Variants in PTPRM observed in about 807,000 individuals in gnomAD.
PTPRM encodes the protein protein tyrosine phosphatase receptor type M.
In PTPRM, 47 loss-of-function variants were observed where a neutral mutation model predicts 186.7. The ratio of observed to expected loss-of-function variants is 0.25; its 90% CI spans 0.20 to 0.32. PTPRM has a LOEUF of 0.32. Ranked by LOEUF, PTPRM falls within the 10% of genes least tolerant of loss-of-function variation. PTPRM has a pLI of 1.00. For synonymous variants in PTPRM, 668 were observed against 674.9 expected (o/e 0.99, Z 0.16); for missense variants, 1,494 against 1,865.0 (o/e 0.80, Z 3.66).
At chr18:7,917,801 C>G (rs979422857) in intron 4 of PTPRM, among the ~76,000 whole-genome samples, 7 of 151,986 alleles carry the variant, frequency 4.6e-5, no homozygotes, top group African/African-American at 1.7e-4. Context: ...ATATTTGTAC[C>G]CATTAATCAA....
chr18:8,343,565 A>G (rs966661076), intron 23 of PTPRM, 45 bp downstream of exon 23: 3 of 1,562,820 alleles, frequency 1.9e-6, no homozygotes, highest in Non-Finnish European at 2.6e-6. Context: ...TTCCTTGCTT[A>G]GTTGGTAACA....
At chr18:7,800,120 G>GT (rs2043876790) in intron 2 of PTPRM, among the ~76,000 whole-genome samples, 2 of 152,100 alleles carry the variant, frequency 1.3e-5, no homozygotes. Context: ...CACATTAATT[G>GT]TACCTATTAC....
intron 7 of PTPRM, among the ~76,000 whole-genome samples, chr18:8,042,225 C>T (rs1466027361): frequency 6.6e-6 from 1 of 152,096 alleles, no homozygotes; most frequent in African/African-American, 2.4e-5. Flanking sequence ...GAGGCATTCT[C>T]TAAAATGTGT....
At chr18:7,898,452 G>A (rs972708139) in intron 3 of PTPRM, among the ~76,000 whole-genome samples, 2 of 152,182 alleles carry the variant, frequency 1.3e-5, no homozygotes, top group African/African-American at 2.4e-5. Flanking sequence ...GATCAGGGAG[G>A]CTGTGGTGTT....
intron 14 of PTPRM, among the ~76,000 whole-genome samples, chr18:8,171,220 C>A (rs993464919): frequency 2.0e-5 from 3 of 152,166 alleles, no homozygotes; most frequent in Admixed American, 2.0e-4. Flanking sequence ...TGTTTACTGT[C>A]TGAGGAAGGC....
chr18:7,926,536 T>G, intron 4 of PTPRM, 32 bp from the exon 5 acceptor site: 18 of 1,508,474 alleles, frequency 1.2e-5, no homozygotes, highest in Non-Finnish European at 1.5e-5. Context: ...AATCTCCACT[T>G]TTAATATCTT....
At chr18:8,321,831 C>T (rs2095347932) in intron 22 of PTPRM, among the ~76,000 whole-genome samples, 1 of 152,072 alleles carries the variant, frequency 6.6e-6, no homozygotes, top group South Asian at 2.1e-4. Flanking sequence ...TACATTCATA[C>T]CATGATGTTC....
At chr18:8,189,120 A>G (rs982512971) in intron 14 of PTPRM, among the ~76,000 whole-genome samples, 3 of 151,978 alleles carry the variant, frequency 2.0e-5, no homozygotes, top group African/African-American at 7.3e-5. Context: ...GGGCAATATG[A>G]CAAGACCCCA....
chr18:7,617,387 C>A (rs2143929356), intron 1 of PTPRM, among the ~76,000 whole-genome samples: 1 of 152,176 alleles, frequency 6.6e-6, no homozygotes, highest in Admixed American at 6.5e-5. Context: ...AATATATGAC[C>A]ATTATACATT....
chr18:7,919,151 T>C (rs2146706223), intron 4 of PTPRM, among the ~76,000 whole-genome samples: 1 of 152,296 alleles, frequency 6.6e-6, no homozygotes, highest in South Asian at 2.1e-4. Flanking sequence ...CATTGATCTA[T>C]GTGTCTGTTT....
At chr18:7,650,788 T>C (rs1217031454) in intron 1 of PTPRM, among the ~76,000 whole-genome samples, 1 of 151,524 alleles carries the variant, frequency 6.6e-6, no homozygotes, top group Non-Finnish European at 1.5e-5. Flanking sequence ...TTTCAACAAA[T>C]GATGTCAGTT....
At chr18:8,330,740 G>A (rs1485804384) in intron 22 of PTPRM, among the ~76,000 whole-genome samples, 4 of 151,300 alleles carry the variant, frequency 2.6e-5, no homozygotes, top group African/African-American at 7.3e-5. Flanking sequence ...GTTTCTGAGC[G>A]TTCTCTTTGG....
intron 3 of PTPRM, among the ~76,000 whole-genome samples, chr18:7,899,631 AC>A (rs1295827266): frequency 6.6e-6 from 1 of 152,150 alleles, no homozygotes; most frequent in Non-Finnish European, 1.5e-5. Flanking sequence ...AAAACAACAA[AC>A]AAAAACCATT....
At chr18:8,400,004 A>G (rs1260978428) in intron 32 of PTPRM, among the ~76,000 whole-genome samples, 1 of 152,192 alleles carries the variant, frequency 6.6e-6, no homozygotes, top group East Asian at 1.9e-4. Flanking sequence ...GGAGAAATCC[A>G]GGATAAAGGG....
In PTPRM at chr18:7,998,345, G is replaced by C. The variant is rs112482472; in HGVS notation, c.1132+42931G>C. Among the ~76,000 whole-genome samples, 1,390 of 152,208 alleles carry C rather than the reference G, an allele frequency of 9.1e-3. 20 individuals carry two copies. Among genetic ancestry groups the C allele is most frequent in the African/African-American group, 0.032 (1,335 of 41,542 alleles). The stretch of plus-strand genomic sequence containing the variant: ...TAAAAAAGTTGATCTCATGGAGTTA[G>C]AGAGTAGAATGGTGGTTACCAGAGA... On this transcript the variant is annotated intron_variant, in intron 7 of 32. Coordinates refer to ENST00000580170, the MANE Select transcript of PTPRM (RefSeq NM_001105244.2).
intron 14 of PTPRM, among the ~76,000 whole-genome samples, chr18:8,232,984 G>T (rs8092455): frequency 9.2e-5 from 14 of 151,996 alleles, no homozygotes; most frequent in Middle Eastern, 3.4e-3. Context: ...CTGCATTCCT[G>T]GAACAATGGG....
intron 13 of PTPRM, among the ~76,000 whole-genome samples, chr18:8,133,277 G>C (rs1263398418): frequency 6.6e-6 from 1 of 152,162 alleles, no homozygotes; most frequent in South Asian, 2.1e-4. Context: ...ACTCTCATCT[G>C]TCATCACCAT....
chr18:7,914,942 G>A (rs1023502228), intron 4 of PTPRM, among the ~76,000 whole-genome samples: 5 of 152,118 alleles, frequency 3.3e-5, no homozygotes, highest in Non-Finnish European at 5.9e-5. Context: ...TAAAATGTAA[G>A]TTAAAGCAAA....
chr18:8,236,909 T>C (rs1325477907), intron 14 of PTPRM, among the ~76,000 whole-genome samples: 1 of 152,218 alleles, frequency 6.6e-6, no homozygotes, highest in South Asian at 2.1e-4. Flanking sequence ...CTTTTTTTAT[T>C]ACTGTTTTCT....
Sources: allele counts gnomAD v4.1 joint callset (sites outside exome capture counted in the v4.1 genomes callset), GRCh38; gene constraint gnomAD v4.1.1; transcripts MANE v1.5; gene names NCBI Gene and HGNC (gene_info 2026-07-23, HGNC 2026-07-21).